Variants in IGF2BP3 observed in about 807,000 individuals in gnomAD.
IGF2BP3 encodes insulin-like growth factor 2 mRNA-binding protein 3.
IGF2BP3 carries 9 observed loss-of-function variants against 73.8 expected under a neutral mutation model. The observed-to-expected ratio is 0.12, with a 90% CI of 0.07 to 0.21. The LOEUF (loss-of-function observed/expected upper bound fraction) is 0.21. Ranked by LOEUF, IGF2BP3 falls within the 10% of genes least tolerant of loss-of-function variation. The pLI is 1.00. For synonymous variants in IGF2BP3, 258 were observed against 256.7 expected (o/e 1.01, Z -0.05); for missense variants, 542 against 714.0 (o/e 0.76, Z 2.75).
intron 2 of IGF2BP3, among the ~76,000 whole-genome samples, chr7:23,441,212 G>A (rs1480710404): frequency 2.6e-5 from 4 of 152,066 alleles, no homozygotes; most frequent in African/African-American, 9.7e-5. Context: ...TGGAAGGATC[G>A]CTTGAGGCCA....
chr7:23,336,954 A>G (rs991848793), intron 10 of IGF2BP3, among the ~76,000 whole-genome samples: 1 of 146,520 alleles, frequency 6.8e-6, no homozygotes, highest in African/African-American at 2.5e-5. Context: ...TCTCCAAAAG[A>G]AAAAAAAAAA....
intron 2 of IGF2BP3, among the ~76,000 whole-genome samples, chr7:23,445,514 A>T (rs978881070): frequency 1.3e-5 from 2 of 151,816 alleles, no homozygotes; most frequent in East Asian, 3.9e-4. Flanking sequence ...AGTATGACTA[A>T]GTAAAACTAC....
intron 2 of IGF2BP3, among the ~76,000 whole-genome samples, chr7:23,436,781 T>C (rs571715978): frequency 2.0e-5 from 3 of 152,192 alleles, no homozygotes; most frequent in Non-Finnish European, 4.4e-5. Context: ...GGAAAGTACA[T>C]TTGGATTTAT....
At chr7:23,424,343 CA>C (rs1787438518) in intron 2 of IGF2BP3, among the ~76,000 whole-genome samples, 1 of 151,250 alleles carries the variant, frequency 6.6e-6, no homozygotes. Context: ...ACTAAAAATA[CA>C]AAAATTAGCT....
intron 10 of IGF2BP3, among the ~76,000 whole-genome samples, chr7:23,330,958 C>T (rs893576543): frequency 2.0e-5 from 3 of 151,828 alleles, no homozygotes; most frequent in South Asian, 2.1e-4. Context: ...CCACCATGCC[C>T]GGCTAATTTT....
intron 2 of IGF2BP3, among the ~76,000 whole-genome samples, chr7:23,451,747 G>A (rs926992876): frequency 1.3e-5 from 2 of 151,862 alleles, no homozygotes; most frequent in South Asian, 2.1e-4. Flanking sequence ...TCAGGAGCTC[G>A]AGACCAGCCT....
chr7:23,468,457 G>A (rs572692283), intron 2 of IGF2BP3, 25 bp downstream of exon 2: 1 of 1,613,342 alleles, frequency 6.2e-7, no homozygotes, highest in East Asian at 2.2e-5. Context: ...GAACAGAATC[G>A]GGGCAAACAG....
At chr7:23,393,203 C>T (rs1743839334) in intron 3 of IGF2BP3, among the ~76,000 whole-genome samples, 1 of 152,180 alleles carries the variant, frequency 6.6e-6, no homozygotes. Flanking sequence ...TATCACCTCA[C>T]CAATGTTCAC....
chr7:23,373,631 A>T (rs1391422168), intron 3 of IGF2BP3, among the ~76,000 whole-genome samples: 1 of 152,256 alleles, frequency 6.6e-6, no homozygotes, highest in Non-Finnish European at 1.5e-5. Context: ...TATGAAAAAC[A>T]GTACAGCAGT....
intron 8 of IGF2BP3, among the ~76,000 whole-genome samples, chr7:23,345,319 A>G (rs274050): frequency 0.11 from 16,027 of 152,246 alleles, 1,954 homozygotes; most frequent in African/African-American, 0.3. Context: ...CATACATACC[A>G]AATAGGGCTG....
At chr7:23,441,574 TAAAAAAAAAAAAAAAA>T (rs769391858) in intron 2 of IGF2BP3, among the ~76,000 whole-genome samples, 3 of 56,948 alleles carry the variant, frequency 5.3e-5, no homozygotes, top group Non-Finnish European at 6.5e-5. Context: ...CTCCATCTCT[TAAAAAAAAAAAAAAAA>T]AAAAAAAAAA....
chr7:23,335,965 A>G (rs1784563206), intron 10 of IGF2BP3, among the ~76,000 whole-genome samples: 1 of 152,204 alleles, frequency 6.6e-6, no homozygotes, highest in Non-Finnish European at 1.5e-5. Context: ...TGTCTGTTGG[A>G]AGAACCAACT....
intron 3 of IGF2BP3, chr7:23,365,672 G>C (rs1785351016): frequency 6.6e-6 from 1 of 152,206 alleles, no homozygotes; most frequent in South Asian, 2.1e-4. Context: ...CACCAACAAG[G>C]TGATGACCTG....
At chr7:23,445,378 A>AG (rs1291683622) in intron 2 of IGF2BP3, among the ~76,000 whole-genome samples, 3 of 150,136 alleles carry the variant, frequency 2.0e-5, no homozygotes, top group Non-Finnish European at 4.4e-5. Flanking sequence ...TATACACTAT[A>AG]GAGTATTATT....
chr7:23,441,528 G>A (rs1317733124), intron 2 of IGF2BP3, among the ~76,000 whole-genome samples: 4 of 136,866 alleles, frequency 2.9e-5, no homozygotes, highest in Admixed American at 1.6e-4. Context: ...AGCTGAGATC[G>A]TGCCACTGCA....
In IGF2BP3 at chr7:23,403,498, A is replaced by T. The variant is rs75598947; in HGVS notation, c.285+15278T>A. ...TTCACTTCAGGATTGTAATTGGAAC[A>T]TTACATAGGAGGAAATTATAGATCT... On this transcript the variant is annotated intron_variant, in intron 3 of 14. Transcript: ENST00000258729. Among the ~76,000 whole-genome samples, 1,338 of 152,314 alleles carry T rather than the reference A, an allele frequency of 8.8e-3. 26 individuals are homozygous for T. Among genetic ancestry groups the T allele is most frequent in the East Asian group, 0.081 (418 of 5,184 alleles).
chr7:23,419,757 G>A (rs750076800), intron 2 of IGF2BP3, among the ~76,000 whole-genome samples: 1 of 152,186 alleles, frequency 6.6e-6, no homozygotes. Context: ...AGATGCTGAG[G>A]CAGAAGAATC....
At chr7:23,460,807 T>C (rs1266543520) in intron 2 of IGF2BP3, among the ~76,000 whole-genome samples, 1 of 151,888 alleles carries the variant, frequency 6.6e-6, no homozygotes, top group African/African-American at 2.4e-5. Context: ...AAAAATCAAC[T>C]GGGCATGGTG....
chr7:23,373,838 G>C (rs1785635893), intron 3 of IGF2BP3, among the ~76,000 whole-genome samples: 1 of 152,166 alleles, frequency 6.6e-6, no homozygotes, highest in South Asian at 2.1e-4. Flanking sequence ...CATCCTTGAG[G>C]TAACAAGTGA....
Sources: allele counts gnomAD v4.1 joint callset (sites outside exome capture counted in the v4.1 genomes callset), GRCh38; gene constraint gnomAD v4.1.1; transcripts MANE v1.5; gene names NCBI Gene and HGNC (gene_info 2026-07-23, HGNC 2026-07-21).